MEGF10: variants seen among roughly 807,000 people sequenced by gnomAD.
MEGF10 encodes multiple EGF like domains 10.
A neutral mutation model predicts 147.5 loss-of-function variants in MEGF10; 86 were observed. That is an observed-to-expected ratio of 0.58 (90% CI 0.49 to 0.70). The LOEUF is 0.70. Among genes scored for constraint, MEGF10 ranks in the 30% least tolerant of loss-of-function variants. The pLI, the probability that MEGF10 is intolerant of heterozygous loss-of-function variation, is 0.00. For synonymous variants in MEGF10, 478 were observed against 525.5 expected (o/e 0.91, Z 1.24); for missense variants, 1,329 against 1,487.3 (o/e 0.89, Z 1.75).
intron 1 of MEGF10, among the ~76,000 whole-genome samples, chr5:127,303,694 T>C (rs987972979): frequency 2.0e-5 from 3 of 152,216 alleles, no homozygotes; most frequent in Non-Finnish European, 2.9e-5. Context: ...TTGACTTCTA[T>C]GTCCAGTGGA....
At chr5:127,420,964 C>T (rs1056881183) in intron 12 of MEGF10, among the ~76,000 whole-genome samples, 14 of 152,224 alleles carry the variant, frequency 9.2e-5, no homozygotes, top group African/African-American at 3.4e-4. Context: ...ACCCCCTGAA[C>T]TGGGCCCCTC....
the MEGF10 span, among the ~76,000 whole-genome samples, chr5:127,237,829 T>A: frequency 6.6e-6 from 1 of 152,050 alleles, no homozygotes. Flanking sequence ...CCCTGCTCCC[T>A]TCCTCTATTT....
intron 7 of MEGF10, among the ~76,000 whole-genome samples, chr5:127,399,684 G>A (rs1047601515): frequency 6.6e-6 from 1 of 152,072 alleles, no homozygotes; most frequent in African/African-American, 2.4e-5. Flanking sequence ...TCACTCTGTT[G>A]AGTACCAACC....
chr5:127,405,869 CT>C (rs1323151836), intron 8 of MEGF10, among the ~76,000 whole-genome samples: 3 of 151,378 alleles, frequency 2.0e-5, no homozygotes, highest in Non-Finnish European at 4.4e-5. Flanking sequence ...CATATTTTTC[CT>C]TTAATTTTTC....
chr5:127,333,038 T>A (rs1761326462), intron 2 of MEGF10, among the ~76,000 whole-genome samples: 1 of 152,070 alleles, frequency 6.6e-6, no homozygotes, highest in East Asian at 1.9e-4. Flanking sequence ...ACATTGCGCA[T>A]ATGGAAAAAT....
rs1764834430 is a variant in MEGF10 at position 127,417,824 on chromosome 5, G to A, written c.1305+12G>A. Reference sequence around the variant, plus strand: ...CCCCAGGATTCAAAGTGAGTGACTAGGGCTCTGGAGGAAGGAGAAGAGGGG... The same window carrying A: ...CCCCAGGATTCAAAGTGAGTGACTAAGGCTCTGGAGGAAGGAGAAGAGGGG... On this transcript the variant is annotated intron_variant, in intron 10 of 24. Coordinates refer to ENST00000503335, the MANE Select transcript of MEGF10 (RefSeq NM_001256545.2). 1.2e-6 allele frequency: 2 copies of A among 1,612,210 alleles called. No homozygotes were observed. The highest frequency in any genetic ancestry group is 1.7e-6 in the Non-Finnish European group (2 of 1,179,638).
At chr5:127,351,393 G>A (rs1762081575) in intron 4 of MEGF10, among the ~76,000 whole-genome samples, 1 of 151,748 alleles carries the variant, frequency 6.6e-6, no homozygotes, top group Non-Finnish European at 1.5e-5. Context: ...TTATATTGTA[G>A]ACATATTTTC....
intron 5 of MEGF10, among the ~76,000 whole-genome samples, chr5:127,384,552 G>A (rs1412846902): frequency 7.9e-5 from 12 of 152,152 alleles, no homozygotes; most frequent in Admixed American, 6.5e-4. Flanking sequence ...GCACAATAGA[G>A]AATAAATATT....
intron 1 of MEGF10, among the ~76,000 whole-genome samples, chr5:127,312,151 A>G (rs1391837243): frequency 1.3e-5 from 2 of 152,130 alleles, no homozygotes; most frequent in Non-Finnish European, 2.9e-5. Flanking sequence ...AAGCATGGTC[A>G]GTTTTGAAGG....
chr5:127,420,301 C>A, intron 12 of MEGF10, 94 bp downstream of exon 12: 3 of 1,422,346 alleles, frequency 2.1e-6, no homozygotes, highest in Non-Finnish European at 2.8e-6. Flanking sequence ...CTTCAAGTGG[C>A]TCACTGTGAA....
rs1766499644 is a variant in MEGF10 at position 127,459,804 on chromosome 5, A to C, written c.*2486A>C. ...TACTCAGGACTTTTCAAACATCAGG[A>C]CACACATAGCAATTTGGATGTTGTA... is the stretch of plus-strand genomic sequence containing the variant. On this transcript the variant is annotated 3_prime_UTR_variant, in exon 25 of 25. Transcript: ENST00000503335. 1 of 152,228 alleles carries C rather than the reference A, an allele frequency of 6.6e-6. No homozygotes were observed. The highest frequency in any genetic ancestry group is 2.4e-5 in the African/African-American group (1 of 41,466). 9.4% of individuals were successfully genotyped at this position (152,228 alleles called of 1,614,324 possible).
At chr5:127,333,791 AG>A (rs1204032578) in intron 2 of MEGF10, among the ~76,000 whole-genome samples, 2 of 152,180 alleles carry the variant, frequency 1.3e-5, no homozygotes, top group Non-Finnish European at 2.9e-5. Context: ...TCAATGTGGG[AG>A]GGGCATGGAG....
chr5:127,247,377 GA>G, the MEGF10 span, among the ~76,000 whole-genome samples: 34 of 11,436 alleles, frequency 3.0e-3, 5 homozygotes, highest in African/African-American at 0.015. Flanking sequence ...AGAAGAAGAA[GA>G]AGAAGAAGAA....
intron 1 of MEGF10, among the ~76,000 whole-genome samples, chr5:127,326,063 A>C (rs1428693017): frequency 6.6e-6 from 1 of 151,356 alleles, no homozygotes; most frequent in East Asian, 2.0e-4. Context: ...CTACAGGTGC[A>C]TGCCACCAAG....
chr5:127,327,768 G>T lies in MEGF10; in HGVS notation c.-18-3523G>T, dbSNP rs150646984. 7.0e-3 allele frequency among the ~76,000 whole-genome samples: 1,036 copies of T among 147,402 alleles called. 14 individuals are homozygous for T. Among genetic ancestry groups the T allele is most frequent in the African/African-American group, 0.025 (1,011 of 39,734 alleles). ...TCACTCCTGTTGCCCAGGCTGGAGT[G>T]CAATGGCACGATCTTGGCTCATTGC... On this transcript the variant is annotated intron_variant, in intron 1 of 24. Transcript: ENST00000503335.
intron 4 of MEGF10, among the ~76,000 whole-genome samples, chr5:127,346,271 A>G (rs1463284824): frequency 6.6e-6 from 1 of 152,186 alleles, no homozygotes; most frequent in East Asian, 1.9e-4. Context: ...TAGTTCTTTA[A>G]GGAATCTCCA....
At chr5:127,426,667 G>A (rs1487521907) in intron 13 of MEGF10, among the ~76,000 whole-genome samples, 1 of 152,210 alleles carries the variant, frequency 6.6e-6, no homozygotes, top group Non-Finnish European at 1.5e-5. Context: ...ATAATTATGA[G>A]TGTTTGTGTA....
chr5:127,331,544 A>G, intron 2 of MEGF10, 120 bp downstream of exon 2: 1 of 629,808 alleles, frequency 1.6e-6, no homozygotes, highest in Non-Finnish European at 2.8e-6. Context: ...ACTTTTATGT[A>G]AAAATCATTA....
At chr5:127,376,102 A>T (rs1763015567) in intron 5 of MEGF10, among the ~76,000 whole-genome samples, 1 of 152,210 alleles carries the variant, frequency 6.6e-6, no homozygotes, top group South Asian at 2.1e-4. Context: ...AAGGGAGACA[A>T]GGGCTAAGAG....
Sources: gnomAD v4.1 joint callset for allele counts (sites outside exome capture counted in the v4.1 genomes callset) on GRCh38, gnomAD v4.1.1 for gene constraint, MANE v1.5 for transcripts, NCBI Gene and HGNC (gene_info 2026-07-23, HGNC 2026-07-21) for gene names.